The following RARS2 variants were observed in gnomAD, a reference collection of about 807,000 sequenced individuals.
RARS2 encodes arginyl-tRNA synthetase 2, mitochondrial.
RARS2 carries 67 observed loss-of-function variants against 88.5 expected under a neutral mutation model. The ratio of observed to expected loss-of-function variants is 0.76; its 90% CI spans 0.62 to 0.93. The LOEUF (loss-of-function observed/expected upper bound fraction) is 0.93. Ranked by LOEUF, RARS2 falls within the 40% of genes least tolerant of loss-of-function variation. RARS2 has a pLI of 0.00. For synonymous variants in RARS2, 239 were observed against 230.3 expected (o/e 1.04, Z -0.34); for missense variants, 664 against 684.2 (o/e 0.97, Z 0.33).
At chr6:87,532,646 T>C (rs528487031) in intron 8 of RARS2, among the ~76,000 whole-genome samples, 23 of 152,322 alleles carry the variant, frequency 1.5e-4, no homozygotes, top group African/African-American at 5.5e-4. Flanking sequence ...ATATGCCTTT[T>C]CCCTCTGCTG....
At chr6:87,549,845 A>C (rs924415215) in intron 5 of RARS2, among the ~76,000 whole-genome samples, 1 of 152,208 alleles carries the variant, frequency 6.6e-6, no homozygotes, top group African/African-American at 2.4e-5. Context: ...CAAATATGGC[A>C]ATATCTTGAT....
chr6:87,530,149 C>T (rs1323888659), intron 9 of RARS2, among the ~76,000 whole-genome samples: 1 of 152,166 alleles, frequency 6.6e-6, no homozygotes, highest in Non-Finnish European at 1.5e-5. Flanking sequence ...CCCATTACCA[C>T]AAAAAGCACT....
At chr6:87,566,662 T>C (rs9450743) in intron 2 of RARS2, among the ~76,000 whole-genome samples, 47,149 of 151,390 alleles carry the variant, frequency 0.31, 7,456 homozygotes, top group Admixed American at 0.41. Flanking sequence ...CTGGGCAATG[T>C]AGGCAGACAT....
rs116549143 is a variant in RARS2 at position 87,554,764 on chromosome 6, C to T, written c.395+644G>A. Among the ~76,000 whole-genome samples the T allele has an allele frequency of 2.2e-3, 339 of 152,224 alleles. 1 individual carries two copies. The highest frequency in any genetic ancestry group is 7.7e-3 in the African/African-American group (320 of 41,546). Reference sequence around the variant, plus strand: ...ACCATGTCTGGCCACTTTAAAATTCCTAATATGGTAGTAACCATTACCTCT... The same window carrying T: ...ACCATGTCTGGCCACTTTAAAATTCTTAATATGGTAGTAACCATTACCTCT... On this transcript the variant is annotated intron_variant, in intron 5 of 19. Coordinates refer to ENST00000369536, the MANE Select transcript of RARS2 (RefSeq NM_020320.5).
chr6:87,578,116 C>CA lies in RARS2; in HGVS notation c.37-8527_37-8526insT, dbSNP rs201804423. Among the ~76,000 whole-genome samples, 108 of 149,760 alleles carry CA rather than the reference C, an allele frequency of 7.2e-4. 2 individuals carry two copies. The East Asian group carries it at 0.013, about 18-fold the overall frequency. On this transcript the variant is annotated intron_variant, in intron 1 of 19. Transcript: ENST00000369536. The stretch of plus-strand genomic sequence containing the variant: ...GGGGCAACATAGCGAGACCCCCCCC[C>CA]CCGCCATCTCTATTTAAAAATAAAA...
chr6:87,541,873 C>T, intron 8 of RARS2, 45 bp downstream of exon 8: 2 of 1,381,916 alleles, frequency 1.4e-6, no homozygotes, highest in Non-Finnish European at 2.1e-6. Flanking sequence ...TACTAAGCTA[C>T]ATAGTACTCT....
chr6:87,557,528 C>G (rs1283673152), intron 4 of RARS2, among the ~76,000 whole-genome samples: 1 of 152,186 alleles, frequency 6.6e-6, no homozygotes, highest in Non-Finnish European at 1.5e-5. Flanking sequence ...AACCCTCTAT[C>G]TACTGATTTA....
At chr6:87,571,621 AAAGT>A (rs1246283228) in intron 1 of RARS2, among the ~76,000 whole-genome samples, 2 of 152,232 alleles carry the variant, frequency 1.3e-5, no homozygotes, top group African/African-American at 4.8e-5. Flanking sequence ...GGAAACAGAA[AAAGT>A]AAGAATGTAA....
intron 10 of RARS2, among the ~76,000 whole-genome samples, chr6:87,525,973 T>G (rs148012935): frequency 2.0e-3 from 300 of 152,252 alleles, no homozygotes; most frequent in African/African-American, 7.0e-3. Flanking sequence ...GTAAAATATC[T>G]GTACACTGAA....
intron 13 of RARS2, among the ~76,000 whole-genome samples, 162 bp downstream of exon 13, chr6:87,520,018 G>A (rs560849683): frequency 6.6e-6 from 1 of 152,192 alleles, no homozygotes; most frequent in Non-Finnish European, 1.5e-5. Flanking sequence ...TTATAAGGTG[G>A]AAATTATTAT....
chr6:87,584,796 C>A lies in RARS2; in HGVS notation c.36+5126G>T, dbSNP rs372155926. The A allele has an allele frequency of 6.5e-5, 29 of 446,494 alleles. No homozygotes were observed. The East Asian group carries it at 7.1e-4, about 11-fold the overall frequency. The allele number at this position is 446,494 out of a possible 1,614,324, so 27.7% of individuals were successfully genotyped here. A position where few individuals can be genotyped will look rare whatever the true frequency, so the allele number is the denominator to read the frequency against. ...AGAGACAAGATGATGAATCCTTGTG[C>A]AGTTATCTACCCCAAGACCCAGGGC... On this transcript the variant is annotated intron_variant, in intron 1 of 19. Transcript: ENST00000369536.
At chr6:87,561,466 T>C (rs1278072115) in intron 4 of RARS2, among the ~76,000 whole-genome samples, 1 of 152,200 alleles carries the variant, frequency 6.6e-6, no homozygotes, top group African/African-American at 2.4e-5. Flanking sequence ...TCAAAGGGTA[T>C]ATTCACGGCA....
chr6:87,533,812 T>C (rs1778306165), intron 8 of RARS2, among the ~76,000 whole-genome samples: 1 of 152,208 alleles, frequency 6.6e-6, no homozygotes, highest in South Asian at 2.1e-4. Flanking sequence ...AAATTAAAAG[T>C]AGTATGATAA....
chr6:87,542,146 C>CAT, intron 7 of RARS2, 152 bp from the exon 8 acceptor site: 1 of 623,834 alleles, frequency 1.6e-6, no homozygotes, highest in South Asian at 1.7e-5. Flanking sequence ...TCTATGACCC[C>CAT]ATAATCTGAC....
intron 1 of RARS2, among the ~76,000 whole-genome samples, chr6:87,579,622 AG>A (rs1374706965): frequency 4.0e-5 from 6 of 149,030 alleles, no homozygotes; most frequent in Non-Finnish European, 8.9e-5. Context: ...TTTTAATTAG[AG>A]GTTTATCTTT....
intron 1 of RARS2, chr6:87,589,709 GT>G (rs1254805892): frequency 8.1e-6 from 8 of 985,214 alleles, no homozygotes; most frequent in Non-Finnish European, 9.6e-6. Flanking sequence ...ACCTTTCAAA[GT>G]TTACTTTTCA....
chr6:87,548,958 A>C (rs1272823944), intron 5 of RARS2, among the ~76,000 whole-genome samples: 1 of 152,238 alleles, frequency 6.6e-6, no homozygotes, highest in Non-Finnish European at 1.5e-5. Flanking sequence ...TCATGCCTGT[A>C]ATCTCAGCAC....
rs1465112925 is a variant in RARS2 at position 87,562,727 on chromosome 6, T to C, written c.272A>G (p.Lys91Arg). The change falls in exon 4 of 20, where the codon AAA becomes AGA. Residue 91 changes from lysine to arginine, a missense_variant. Physicochemically the swap from Lys to Arg is conservative, Grantham distance 26. Coordinates refer to ENST00000369536, the MANE Select transcript of RARS2 (RefSeq NM_020320.5). Reference protein sequence around the residue: ...ISTGQRTVNFKINRELLTKTV... With the variant: ...ISTGQRTVNFRINRELLTKTV... Reference sequence around the variant, plus strand: ...CTTTGTTAAGAGCTCTCTGTTTATTTTGAAATTTACAGTCCTTTGACCAGT... The same window carrying C: ...CTTTGTTAAGAGCTCTCTGTTTATTCTGAAATTTACAGTCCTTTGACCAGT... 7.4e-6 allele frequency: 12 copies of C among 1,612,808 alleles called. No homozygotes were observed. The highest frequency in any genetic ancestry group is 2.2e-5 in the East Asian group (1 of 44,870).
intron 1 of RARS2, among the ~76,000 whole-genome samples, chr6:87,583,662 C>A (rs997895715): frequency 3.3e-5 from 5 of 151,672 alleles, no homozygotes; most frequent in Non-Finnish European, 5.9e-5. Flanking sequence ...GAAAGGGAGA[C>A]AAATCTACAT....
Sources: gnomAD v4.1 joint callset for allele counts (sites outside exome capture counted in the v4.1 genomes callset) on GRCh38, gnomAD v4.1.1 for gene constraint, MANE v1.5 for transcripts, NCBI Gene and HGNC (gene_info 2026-07-23, HGNC 2026-07-21) for gene names.